Variants in SQOR observed in about 807,000 individuals in gnomAD.
SQOR encodes the protein sulfide quinone oxidoreductase, also known as sulfide:quinone oxidoreductase, mitochondrial.
SQOR carries 39 observed loss-of-function variants against 48.6 expected under a neutral mutation model. That is an observed-to-expected ratio of 0.80 (90% CI 0.62 to 1.05). The LOEUF (loss-of-function observed/expected upper bound fraction) is 1.05. SQOR is among the 50% of genes least tolerant of loss of function. The probability of loss-of-function intolerance (pLI) is 0.00; values close to 1 mark genes in which losing one functional copy is unlikely to be tolerated. For synonymous variants in SQOR, 220 were observed against 206.2 expected, an observed-to-expected ratio of 1.07 and a Z score of -0.57; for missense variants, 561 against 559.9, an observed-to-expected ratio of 1.00 and a Z score of -0.02.
At chr15:45,663,231 C>T (rs917645031) in intron 3 of SQOR, among the ~76,000 whole-genome samples, 1 of 152,082 alleles carries the variant, frequency 6.6e-6, no homozygotes, top group Non-Finnish European at 1.5e-5. Context: ...GTTGGCCAGG[C>T]TGGCTCGAAC....
rs369725435 is a variant in SQOR at position 45,650,999 on chromosome 15, G to A, written c.-17-7908G>A. Among the ~76,000 whole-genome samples, 36 of 152,302 alleles carry A rather than the reference G, an allele frequency of 2.4e-4. No homozygotes were observed. In the East Asian group the frequency reaches 6.2e-3, roughly 26 times the overall value. ...CGAGGCGGAGCTGCCCCCGGGTCCCGCACCGCGCACCTGCACTCCTCAGCC... is the reference window on the plus strand; with the variant it reads ...CGAGGCGGAGCTGCCCCCGGGTCCCACACCGCGCACCTGCACTCCTCAGCC... On this transcript the variant is annotated intron_variant, in intron 1 of 9. Transcript: ENST00000260324.
At chr15:45,657,661 C>G (rs771393118) in intron 1 of SQOR, among the ~76,000 whole-genome samples, 1 of 152,172 alleles carries the variant, frequency 6.6e-6, no homozygotes, top group Non-Finnish European at 1.5e-5. Context: ...TTTTCCCCCT[C>G]TCCAAGGCCT....
chr15:45,685,434 T>C (rs1366204218), intron 7 of SQOR, among the ~76,000 whole-genome samples: 1 of 152,186 alleles, frequency 6.6e-6, no homozygotes, highest in Non-Finnish European at 1.5e-5. Flanking sequence ...CATGTCCCCT[T>C]CTCTGCTTCT....
chr15:45,676,362 C>A, intron 6 of SQOR, 52 bp downstream of exon 6: 1 of 1,560,922 alleles, frequency 6.4e-7, no homozygotes, highest in Non-Finnish European at 8.8e-7. Flanking sequence ...CTGAAACGTG[C>A]CATAGATACA....
chr15:45,680,527 T>TA (rs1890109287), intron 6 of SQOR, among the ~76,000 whole-genome samples: 1 of 152,172 alleles, frequency 6.6e-6, no homozygotes, highest in African/African-American at 2.4e-5. Context: ...GCCATCCTCC[T>TA]ACCTCAATCT....
chr15:45,658,310 A>G (rs1889651671), intron 1 of SQOR, among the ~76,000 whole-genome samples: 1 of 152,078 alleles, frequency 6.6e-6, no homozygotes, highest in Non-Finnish European at 1.5e-5. Flanking sequence ...ATTACATTAT[A>G]TTTCCCTGGG....
At chr15:45,680,270 T>C (rs575398434) in intron 6 of SQOR, among the ~76,000 whole-genome samples, 1 of 152,246 alleles carries the variant, frequency 6.6e-6, no homozygotes, top group African/African-American at 2.4e-5. Flanking sequence ...AATTTTTGTA[T>C]TTTTTTAAAG....
intron 1 of SQOR, among the ~76,000 whole-genome samples, chr15:45,651,418 G>A (rs1193438885): frequency 1.3e-5 from 2 of 152,212 alleles, no homozygotes; most frequent in African/African-American, 4.8e-5. Flanking sequence ...AGAGGGAGCT[G>A]GCTCTGGCCC....
At chr15:45,645,388 G>A (rs1172039206) in intron 1 of SQOR, among the ~76,000 whole-genome samples, 1 of 152,162 alleles carries the variant, frequency 6.6e-6, no homozygotes, top group Non-Finnish European at 1.5e-5. Context: ...CTGGACTATG[G>A]GGTGCCTAGA....
At chr15:45,683,854 A>ATGTGTG (rs79144382) in intron 7 of SQOR, among the ~76,000 whole-genome samples, 6 of 149,056 alleles carry the variant, frequency 4.0e-5, no homozygotes, top group African/African-American at 1.2e-4. Flanking sequence ...TGTATATATT[A>ATGTGTG]TGTGTGTGTG....
At chr15:45,659,231 C>G (rs1889677154) in intron 2 of SQOR, 74 bp downstream of exon 2, 3 of 1,254,242 alleles carry the variant, frequency 2.4e-6, no homozygotes, top group Middle Eastern at 2.9e-4. Context: ...TGTGTGTGTT[C>G]TGGGGTTGGA....
At chr15:45,639,975 A>G (rs760075843) in intron 1 of SQOR, among the ~76,000 whole-genome samples, 4 of 152,232 alleles carry the variant, frequency 2.6e-5, no homozygotes, top group South Asian at 4.1e-4. Flanking sequence ...TGGTCTTACA[A>G]TCTCCATTTC....
At chr15:45,677,928 G>A (rs997616751) in intron 6 of SQOR, among the ~76,000 whole-genome samples, 4 of 152,016 alleles carry the variant, frequency 2.6e-5, no homozygotes, top group Non-Finnish European at 5.9e-5. Flanking sequence ...GGCTGGTCTC[G>A]AACTGCTGAC....
chr15:45,668,863 A>G (rs1403212449), intron 3 of SQOR, among the ~76,000 whole-genome samples: 1 of 152,148 alleles, frequency 6.6e-6, no homozygotes, highest in African/African-American at 2.4e-5. Flanking sequence ...TTTTTGGCCT[A>G]AACTTGTCTT....
chr15:45,632,699 T>C (rs1265369568), upstream of SQOR, among the ~76,000 whole-genome samples: 1 of 151,976 alleles, frequency 6.6e-6, no homozygotes, highest in African/African-American at 2.4e-5. Context: ...TTTGGAAATA[T>C]AGGAGGGGAC....
intron 1 of SQOR, among the ~76,000 whole-genome samples, chr15:45,655,769 C>G (rs117744209): frequency 1.3e-5 from 2 of 150,516 alleles, no homozygotes; most frequent in Non-Finnish European, 2.9e-5. Context: ...CTGCAACCTT[C>G]GCCTCACGGG....
Position 45,669,981 on chromosome 15 carries a change from G to A in SQOR, c.459G>A (p.Lys153=), listed in dbSNP as rs1243864226. Reference sequence around the variant, plus strand: ...TCGGAATCCAGCTGGACTATGAGAAGGTACCGTGTGAAACTGTTTCTGTGT... The same window carrying A: ...TCGGAATCCAGCTGGACTATGAGAAAGTACCGTGTGAAACTGTTTCTGTGT... ...IALGIQLDYE[K]IKGLPEGFAH... is the part of the protein sequence containing the mutation. The change falls in exon 4 of 10, where the codon AAG becomes AAA. Residue 153 remains lysine (K), a splice_region_variant and synonymous_variant. Transcript: ENST00000260324. 6.2e-7 allele frequency: 1 copy of A among 1,613,906 alleles called. No homozygotes were observed.
intron 1 of SQOR, among the ~76,000 whole-genome samples, chr15:45,644,173 T>C (rs673596): frequency 0.26 from 40,057 of 151,978 alleles, 6,666 homozygotes; most frequent in East Asian, 0.64. Flanking sequence ...CTGCAACCTC[T>C]GCCTCCCAGG....
chr15:45,642,484 G>T (rs908197622), intron 1 of SQOR, among the ~76,000 whole-genome samples: 1 of 152,162 alleles, frequency 6.6e-6, no homozygotes, highest in African/African-American at 2.4e-5. Context: ...CACAGCTCTG[G>T]CCTGCACTTG....
Sources: gnomAD v4.1 joint callset for allele counts (sites outside exome capture counted in the v4.1 genomes callset) on GRCh38, gnomAD v4.1.1 for gene constraint, MANE v1.5 for transcripts, NCBI Gene and HGNC (gene_info 2026-07-23, HGNC 2026-07-21) for gene names.